The following IGBP1C variants were observed in gnomAD, a reference collection of about 807,000 sequenced individuals.
The protein encoded by IGBP1C is immunoglobulin-binding protein 1 family member C.
the IGBP1C span, among the ~76,000 whole-genome samples, chr17:58,677,119 C>CA: frequency 0.043 from 3,357 of 78,344 alleles, 93 homozygotes; most frequent in African/African-American, 0.11. Context: ...AACTCCGTCT[C>CA]AAAAAAAAAA....
At chr17:58,678,056 A>G in the IGBP1C span, among the ~76,000 whole-genome samples, 2 of 152,206 alleles carry the variant, frequency 1.3e-5, no homozygotes, top group African/African-American at 4.8e-5. Context: ...AGGCTGAGGC[A>G]GGAGAATTGC....
chr17:58,678,166 G>A, the IGBP1C span, among the ~76,000 whole-genome samples: 1 of 152,046 alleles, frequency 6.6e-6, no homozygotes, highest in Non-Finnish European at 1.5e-5. Context: ...GAAAAAAAAG[G>A]GAAGTTTTTA....
the IGBP1C span, among the ~76,000 whole-genome samples, chr17:58,663,251 T>C: frequency 1.3e-5 from 2 of 151,780 alleles, no homozygotes; most frequent in African/African-American, 4.8e-5. Context: ...GGAGAAACCC[T>C]GTCTCTACTA....
At chr17:58,682,262 CTTTT>C in the IGBP1C span, among the ~76,000 whole-genome samples, 1 of 141,970 alleles carries the variant, frequency 7.0e-6, no homozygotes, top group East Asian at 2.1e-4. Flanking sequence ...CAGAGTCTTT[CTTTT>C]TTTTTTTTTG....
chr17:58,682,461 T>A, the IGBP1C span, among the ~76,000 whole-genome samples: 3 of 151,874 alleles, frequency 2.0e-5, no homozygotes. Context: ...TTTTGCCATG[T>A]TGGCGAGGCT....
the IGBP1C span, among the ~76,000 whole-genome samples, chr17:58,678,160 A>G: frequency 2.0e-5 from 3 of 152,148 alleles, no homozygotes; most frequent in Non-Finnish European, 4.4e-5. Flanking sequence ...AAGGGGGAAA[A>G]AAAAGGGAAG....
the IGBP1C span, chr17:58,666,603 G>A: frequency 6.6e-6 from 1 of 151,992 alleles, no homozygotes; most frequent in Non-Finnish European, 1.5e-5. Flanking sequence ...CACATTTGGG[G>A]AAATCGTAGG....
chr17:58,661,550 A>T, the IGBP1C span: 1 of 751,534 alleles, frequency 1.3e-6, no homozygotes, highest in Non-Finnish European at 2.5e-6. Context: ...GGAATCGAAC[A>T]GCTCGGGGAG....
At chr17:58,688,543 GATTT>G in the IGBP1C span, among the ~76,000 whole-genome samples, 1 of 152,196 alleles carries the variant, frequency 6.6e-6, no homozygotes, top group African/African-American at 2.4e-5. Flanking sequence ...AACAGACTCA[GATTT>G]ATTATGTACT....
At chr17:58,671,775 T>C in the IGBP1C span, among the ~76,000 whole-genome samples, 1 of 152,216 alleles carries the variant, frequency 6.6e-6, no homozygotes, top group Admixed American at 6.5e-5. Context: ...CCATTTTACA[T>C]GTTTTGAGCT....
chr17:58,670,455 G>A, the IGBP1C span, among the ~76,000 whole-genome samples: 6 of 151,742 alleles, frequency 4.0e-5, no homozygotes, highest in Non-Finnish European at 8.8e-5. Flanking sequence ...GCTTTGGGAA[G>A]GTAAGAATAA....
the IGBP1C span, chr17:58,692,028 T>C: frequency 7.1e-6 from 1 of 140,994 alleles, no homozygotes; most frequent in South Asian, 2.2e-4. Flanking sequence ...CGGGAAGACG[T>C]GGGTGGGTGC....
the IGBP1C span, among the ~76,000 whole-genome samples, chr17:58,681,096 A>G: frequency 6.6e-5 from 10 of 152,078 alleles, no homozygotes; most frequent in Non-Finnish European, 1.0e-4. Context: ...AGCCTGGCCA[A>G]CATGGCGAAA....
At chr17:58,672,985 A>G in the IGBP1C span, among the ~76,000 whole-genome samples, 1 of 151,476 alleles carries the variant, frequency 6.6e-6, no homozygotes, top group African/African-American at 2.4e-5. Context: ...GCTAGCCTCG[A>G]ACTCCCAAAG....
At chr17:58,682,406 T>C in the IGBP1C span, among the ~76,000 whole-genome samples, 1 of 151,950 alleles carries the variant, frequency 6.6e-6, no homozygotes, top group Non-Finnish European at 1.5e-5. Flanking sequence ...TACAAGCACA[T>C]GCCACCATGC....
At chr17:58,691,182 T>G in the IGBP1C span, among the ~76,000 whole-genome samples, 1 of 152,156 alleles carries the variant, frequency 6.6e-6, no homozygotes, top group Non-Finnish European at 1.5e-5. Context: ...TCAGAATTGA[T>G]ATTAAACTAT....
the IGBP1C span, among the ~76,000 whole-genome samples, chr17:58,671,229 G>A: frequency 2.6e-5 from 4 of 152,270 alleles, no homozygotes; most frequent in Admixed American, 2.6e-4. Flanking sequence ...TTCATTTTGA[G>A]AAATGAATAG....
the IGBP1C span, among the ~76,000 whole-genome samples, chr17:58,677,171 C>T: frequency 1.3e-5 from 2 of 150,146 alleles, no homozygotes; most frequent in Non-Finnish European, 3.0e-5. Context: ...CATGCCTGTA[C>T]AGCTACTTGG....
chr17:58,667,657 G>A, the IGBP1C span, among the ~76,000 whole-genome samples: 1 of 152,286 alleles, frequency 6.6e-6, no homozygotes, highest in African/African-American at 2.4e-5. Flanking sequence ...GGCTGAGGTG[G>A]GCGAATCACT....
Sources: gnomAD v4.1 joint callset for allele counts (sites outside exome capture counted in the v4.1 genomes callset) on GRCh38, gnomAD v4.1.1 for gene constraint, MANE v1.5 for transcripts, NCBI Gene and HGNC (gene_info 2026-07-23, HGNC 2026-07-21) for gene names.